RGSL1: variants seen among roughly 807,000 people sequenced by gnomAD.
RGSL1 encodes the protein regulator of G protein signaling like 1.
Under a neutral mutation model 124.7 loss-of-function variants are expected in RGSL1, and 97 were observed. That is an observed-to-expected ratio of 0.78 (90% CI 0.66 to 0.92). The LOEUF (loss-of-function observed/expected upper bound fraction) is 0.92. RGSL1 is among the 40% of genes least tolerant of loss of function. The probability of loss-of-function intolerance (pLI) is 0.00; values close to 1 mark genes in which losing one functional copy is unlikely to be tolerated. For missense variants in RGSL1, 1,233 were observed against 1,288.4 expected (o/e 0.96, Z 0.66); for synonymous variants, 424 against 438.1 (o/e 0.97, Z 0.40).
Position 182,539,266 on chromosome 1 carries a change from T to C in RGSL1, c.2495-981T>C, listed in dbSNP as rs1278868006. On this transcript the variant is annotated intron_variant, in intron 14 of 21. Transcript: ENST00000294854. ...TAACCATCATATCAATTTCCACTGT[T>C]ATCTAGACTTTTTTTCCCTTCAAAC... Among the ~76,000 whole-genome samples, 4 of 150,068 alleles carry C rather than the reference T, an allele frequency of 2.7e-5. No homozygotes were observed. The South Asian group carries it at 8.5e-4, about 32-fold the overall frequency.
chr1:182,472,558 G>A lies in RGSL1; in HGVS notation c.463+1G>A. The stretch of plus-strand genomic sequence containing the variant: ...GTAACCCTCTGTAACATGAACATCA[G>A]TAAGAATTATAAAGCATCTTTTTGG... On this transcript the variant is annotated splice_donor_variant, in intron 5 of 21. Transcript: ENST00000294854. LOFTEE classifies it high-confidence loss of function. 2 of 1,522,782 alleles carry A rather than the reference G, an allele frequency of 1.3e-6. No individual in the cohort carries two copies. Among genetic ancestry groups the A allele is most frequent in the East Asian group, 2.5e-5 (1 of 40,192 alleles). The allele number at this position is 1,522,782 out of a possible 1,614,324, so 94.3% of individuals were successfully genotyped here.
At chr1:182,470,914 G>A (rs1653780471) in intron 4 of RGSL1, among the ~76,000 whole-genome samples, 1 of 152,086 alleles carries the variant, frequency 6.6e-6, no homozygotes, top group Non-Finnish European at 1.5e-5. Context: ...AGAGTAAAAT[G>A]TTGTAAGAAA....
intron 9 of RGSL1, among the ~76,000 whole-genome samples, chr1:182,494,228 T>G (rs952812587): frequency 6.6e-5 from 10 of 152,244 alleles, no homozygotes; most frequent in African/African-American, 2.4e-4. Context: ...TAACATGATC[T>G]TAATGATTAG....
chr1:182,460,184 G>GTA lies in RGSL1; in HGVS notation c.301+52_301+53dup, dbSNP rs1553255769. 7.2e-5 allele frequency: 89 copies of GTA among 1,238,792 alleles called. 1 individual carries two copies. In the African/African-American group the frequency reaches 1.3e-3, roughly 18 times the overall value. The allele number at this position is 1,238,792 out of a possible 1,614,324, so 76.7% of individuals were successfully genotyped here. A position where few individuals can be genotyped will look rare whatever the true frequency, so the allele number is the denominator to read the frequency against. ...TCTGTGTGTGTGTGTGTGTGTGTGT[G>GTA]TAGAAATATAGGAAGTCACACTTCA... On this transcript the variant is annotated intron_variant, in intron 4 of 21. Coordinates refer to ENST00000294854, the MANE Select transcript of RGSL1 (RefSeq NM_001137669.2).
intron 3 of RGSL1, among the ~76,000 whole-genome samples, chr1:182,459,696 T>G (rs973682822): frequency 2.0e-5 from 3 of 152,272 alleles, no homozygotes; most frequent in African/African-American, 7.2e-5. Context: ...GCTTTTCTTC[T>G]GTCAAGCGAG....
At chr1:182,529,336 C>T (rs1194941800) in intron 11 of RGSL1, among the ~76,000 whole-genome samples, 1 of 152,064 alleles carries the variant, frequency 6.6e-6, no homozygotes, top group African/African-American at 2.4e-5. Flanking sequence ...ACCATTAAAC[C>T]AACTAGCCTG....
At chr1:182,546,870 A>G (rs1660244438) in intron 15 of RGSL1, among the ~76,000 whole-genome samples, 2 of 152,238 alleles carry the variant, frequency 1.3e-5, no homozygotes, top group South Asian at 2.1e-4. Flanking sequence ...CTTGGGAAGC[A>G]ACACACCTCC....
rs1300049330 is a variant in RGSL1 at position 182,528,956 on chromosome 1, G to A, written c.2125+1184G>A. On this transcript the variant is annotated intron_variant, in intron 11 of 21. Coordinates refer to ENST00000294854, the MANE Select transcript of RGSL1 (RefSeq NM_001137669.2). ...TAATGAGTGCCCAGCGAAGGGGGAA[G>A]CCCTTGTAAAACCATCAGATCTCAT... Among the ~76,000 whole-genome samples the A allele has an allele frequency of 2.0e-5, 3 of 152,176 alleles. No homozygotes were observed. The East Asian group carries it at 5.8e-4, about 29-fold the overall frequency.
intron 9 of RGSL1, among the ~76,000 whole-genome samples, chr1:182,512,680 G>C (rs1657550194): frequency 6.6e-6 from 1 of 152,158 alleles, no homozygotes; most frequent in African/African-American, 2.4e-5. Context: ...TTGTACCTGG[G>C]TTCTTGTCTG....
intron 6 of RGSL1, among the ~76,000 whole-genome samples, chr1:182,476,861 G>A (rs893441355): frequency 1.3e-5 from 2 of 152,048 alleles, no homozygotes; most frequent in Non-Finnish European, 2.9e-5. Context: ...GTAACATACA[G>A]ATAACTGCAT....
At chr1:182,540,179 A>T in intron 14 of RGSL1, 68 bp from the exon 15 acceptor site, 1 of 1,395,926 alleles carries the variant, frequency 7.2e-7, no homozygotes, top group African/African-American at 1.5e-5. Flanking sequence ...TCTTTTTGTT[A>T]TGCCCAGGTT....
intron 1 of RGSL1, among the ~76,000 whole-genome samples, chr1:182,452,024 T>A (rs1295403271): frequency 6.8e-6 from 1 of 147,754 alleles, no homozygotes; most frequent in Non-Finnish European, 1.5e-5. Flanking sequence ...AGAGTGAGAG[T>A]GAGAGTGAGA....
chr1:182,496,403 G>C (rs984684407), intron 9 of RGSL1, among the ~76,000 whole-genome samples: 5 of 152,200 alleles, frequency 3.3e-5, no homozygotes, highest in African/African-American at 7.2e-5. Context: ...AGGTCTGTCT[G>C]TATGCTCACT....
intron 4 of RGSL1, among the ~76,000 whole-genome samples, chr1:182,464,496 G>T (rs1244609334): frequency 1.3e-5 from 2 of 152,092 alleles, no homozygotes; most frequent in Non-Finnish European, 1.5e-5. Context: ...GGCCTTAGGG[G>T]GTGGATCACC....
chr1:182,558,113 T>C (rs1422207281), intron 21 of RGSL1, among the ~76,000 whole-genome samples: 1 of 152,210 alleles, frequency 6.6e-6, no homozygotes, highest in Admixed American at 6.5e-5. Context: ...AAATTAAAAA[T>C]GTCTGTAACA....
chr1:182,496,330 T>G (rs1483204636), intron 9 of RGSL1, among the ~76,000 whole-genome samples: 1 of 152,088 alleles, frequency 6.6e-6, no homozygotes, highest in Non-Finnish European at 1.5e-5. Flanking sequence ...CCTCCAACAT[T>G]GGAGATTACA....
chr1:182,533,860 A>G (rs968043515), intron 14 of RGSL1, among the ~76,000 whole-genome samples: 3 of 152,220 alleles, frequency 2.0e-5, no homozygotes, highest in Non-Finnish European at 4.4e-5. Flanking sequence ...CTAGAAAATG[A>G]CATAAAGTTG....
intron 8 of RGSL1, among the ~76,000 whole-genome samples, chr1:182,492,621 A>G (rs1655609998): frequency 7.2e-6 from 1 of 138,218 alleles, no homozygotes. Flanking sequence ...TGGCCTCTTT[A>G]AATAACCTTT....
intron 9 of RGSL1, among the ~76,000 whole-genome samples, chr1:182,509,279 C>T (rs1657113811): frequency 2.1e-5 from 1 of 48,076 alleles, no homozygotes; most frequent in African/African-American, 5.9e-5. Flanking sequence ...AGAGGCGCCC[C>T]TCACCTCCCG....
Sources: allele counts gnomAD v4.1 joint callset (sites outside exome capture counted in the v4.1 genomes callset), GRCh38; gene constraint gnomAD v4.1.1; transcripts MANE v1.5; gene names NCBI Gene and HGNC (gene_info 2026-07-23, HGNC 2026-07-21).